ARHGEF33: variants seen among roughly 807,000 people sequenced by gnomAD.
ARHGEF33 encodes Rho guanine nucleotide exchange factor 33, also known as DH and coiled-coil domain-containing protein ENSP00000381780.
In ARHGEF33, 72 loss-of-function variants were observed where a neutral mutation model predicts 101.9. The observed-to-expected ratio is 0.71, with a 90% confidence interval of 0.58 to 0.86. The LOEUF is 0.86. Among genes scored for constraint, ARHGEF33 ranks in the 40% least tolerant of loss-of-function variants. ARHGEF33 has a pLI of 0.00. For synonymous variants in ARHGEF33, 499 were observed against 442.5 expected, an observed-to-expected ratio of 1.13 and a Z score of -1.60; for missense variants, 1,169 against 1,111.3, an observed-to-expected ratio of 1.05 and a Z score of -0.74.
chr2:38,900,471 T>A (rs999458551), intron 2 of ARHGEF33, among the ~76,000 whole-genome samples: 2 of 152,330 alleles, frequency 1.3e-5, no homozygotes, highest in Non-Finnish European at 1.5e-5. Context: ...ACTGTGATCA[T>A]CTGCACATGT....
chr2:38,970,039 G>T (rs574113228), intron 17 of ARHGEF33, among the ~76,000 whole-genome samples: 2 of 152,334 alleles, frequency 1.3e-5, no homozygotes, highest in Non-Finnish European at 2.9e-5. Flanking sequence ...TAACTTAGGA[G>T]TAGGGAATGT....
intron 17 of ARHGEF33, among the ~76,000 whole-genome samples, chr2:38,967,936 CTTTTTTT>C (rs397871559): frequency 6.2e-5 from 6 of 96,368 alleles, no homozygotes; most frequent in Non-Finnish European, 8.4e-5. Flanking sequence ...TTGAGCCTAT[CTTTTTTT>C]TTTTTTTTTT....
chr2:38,953,165 A>G lies in ARHGEF33; in HGVS notation c.1057A>G (p.Asn353Asp). The stretch of plus-strand genomic sequence containing the variant: ...CATTTTTGTGTTTGTTTTAAAGAAT[A>G]ATTTCTTGGATTATTATGTTGCCTA... The part of the protein sequence containing the change: ...LFLKLTNDEN[N>D]FLDYYVAYLR... Residue 353 changes from asparagine (N) to aspartate (D), a missense_variant, in exon 12 of 18, where the codon AAT becomes GAT. Physicochemically the swap from Asn to Asp is conservative, Grantham distance 23 (BLOSUM62 1). Transcript: ENST00000409978. 6.8e-7 allele frequency: 1 copy of G among 1,476,974 alleles called. No individual in the cohort carries two copies. The allele number at this position is 1,476,974 out of a possible 1,614,324, so 91.5% of individuals were successfully genotyped here.
In ARHGEF33 at chr2:38,974,499, A is replaced by C. The variant is rs1558449444; in HGVS notation, c.*656A>C. Reference sequence around the variant, plus strand: ...GTTCTGTGGTTATGGAAATCAGTAAAGGGAACAAGGATTTCTGTAGAAACT... The same window carrying C: ...GTTCTGTGGTTATGGAAATCAGTAACGGGAACAAGGATTTCTGTAGAAACT... On this transcript the variant is annotated 3_prime_UTR_variant, in exon 18 of 18. Coordinates refer to ENST00000409978, the MANE Select transcript of ARHGEF33 (RefSeq NM_001145451.5). 1 of 152,224 alleles carries C rather than the reference A, an allele frequency of 6.6e-6. No individual in the cohort carries two copies. Among genetic ancestry groups the C allele is most frequent in the African/African-American group, 2.4e-5 (1 of 41,454 alleles). 9.4% of individuals were successfully genotyped at this position (152,224 alleles called of 1,614,324 possible).
Position 38,943,078 on chromosome 2 carries a change from C to T in ARHGEF33, c.791-823C>T, listed in dbSNP as rs372130784. On this transcript the variant is annotated intron_variant, in intron 9 of 17. Transcript: ENST00000409978. ...GAGTAGCTGGGATTACAGGCGTGTG[C>T]CACCACATCTGGTTAATTTTTGTAT... Among the ~76,000 whole-genome samples the T allele has an allele frequency of 4.6e-5, 7 of 152,320 alleles. No homozygotes were observed. The East Asian group carries it at 9.6e-4, about 21-fold the overall frequency.
chr2:38,945,685 A>G (rs1667429113), intron 10 of ARHGEF33, among the ~76,000 whole-genome samples: 1 of 152,258 alleles, frequency 6.6e-6, no homozygotes, highest in Non-Finnish European at 1.5e-5. Flanking sequence ...GCTTCCACAT[A>G]GAAAATTCTA....
intron 4 of ARHGEF33, among the ~76,000 whole-genome samples, chr2:38,925,320 C>A (rs775703938): frequency 3.3e-5 from 5 of 152,150 alleles, no homozygotes; most frequent in Non-Finnish European, 7.3e-5. Context: ...GGGAACCAGT[C>A]CTACAGTAAT....
chr2:38,932,081 A>G (rs980135466), intron 7 of ARHGEF33, among the ~76,000 whole-genome samples: 11 of 152,198 alleles, frequency 7.2e-5, no homozygotes, highest in Non-Finnish European at 1.5e-4. Flanking sequence ...GTGGCTTTTA[A>G]CTGGCATACT....
chr2:38,926,056 A>G (rs1219273417), intron 4 of ARHGEF33, among the ~76,000 whole-genome samples: 1 of 152,192 alleles, frequency 6.6e-6, no homozygotes, highest in Non-Finnish European at 1.5e-5. Flanking sequence ...AGAGCAGGAA[A>G]TAGGAAGAAT....
intron 7 of ARHGEF33, among the ~76,000 whole-genome samples, chr2:38,932,091 T>C (rs1272712906): frequency 2.0e-5 from 3 of 152,220 alleles, no homozygotes; most frequent in African/African-American, 7.2e-5. Flanking sequence ...ACTGGCATAC[T>C]TCAAAGTACA....
chr2:38,912,672 G>C (rs1666533632), intron 2 of ARHGEF33, among the ~76,000 whole-genome samples: 1 of 152,096 alleles, frequency 6.6e-6, no homozygotes, highest in African/African-American at 2.4e-5. Context: ...GTTTTCTCAA[G>C]CAACTATTTC....
At chr2:38,957,705 C>A (rs567288375) in intron 14 of ARHGEF33, among the ~76,000 whole-genome samples, 33 of 152,172 alleles carry the variant, frequency 2.2e-4, no homozygotes, top group Non-Finnish European at 4.7e-4. Flanking sequence ...TTCATCCCAA[C>A]TCCTGTGGAG....
At chr2:38,900,684 G>A (rs185959901) in intron 2 of ARHGEF33, among the ~76,000 whole-genome samples, 57 of 152,264 alleles carry the variant, frequency 3.7e-4, no homozygotes, top group African/African-American at 1.2e-3. Flanking sequence ...CAGTCCCATA[G>A]GATATGGGGA....
intron 1 of ARHGEF33, among the ~76,000 whole-genome samples, chr2:38,891,219 C>G (rs926519001): frequency 6.6e-6 from 1 of 152,096 alleles, no homozygotes; most frequent in African/African-American, 2.4e-5. Context: ...CAGGTGTGAG[C>G]CACCATGCTC....
intron 2 of ARHGEF33, among the ~76,000 whole-genome samples, chr2:38,909,493 T>C (rs983513795): frequency 7.5e-6 from 1 of 133,212 alleles, no homozygotes; most frequent in African/African-American, 2.7e-5. Flanking sequence ...GGCTAATTTC[T>C]TTTTTTTTTT....
chr2:38,972,387 A>C (rs1668185458), intron 17 of ARHGEF33, among the ~76,000 whole-genome samples: 2 of 152,188 alleles, frequency 1.3e-5, no homozygotes, highest in African/African-American at 4.8e-5. Flanking sequence ...CATCCCACCC[A>C]GATATCTTGC....
At chr2:38,929,510 T>A (rs1189434614) in intron 5 of ARHGEF33, among the ~76,000 whole-genome samples, 199 bp from the exon 6 acceptor site, 2 of 152,180 alleles carry the variant, frequency 1.3e-5, no homozygotes, top group African/African-American at 2.4e-5. Context: ...ATAGTTATCA[T>A]GGAAAAATAT....
At position 38,960,194 on chromosome 2, in the gene ARHGEF33, A is replaced by G; in HGVS notation, c.1889A>G (p.Asp630Gly). 6.5e-7 allele frequency: 1 copy of G among 1,544,602 alleles called. No individual in the cohort carries two copies. The highest frequency in any genetic ancestry group is 8.7e-7 in the Non-Finnish European group (1 of 1,144,430). ...GEIFALPAPY[D>G]EEPFQAPALF... is the part of the protein sequence containing the mutation. ...ATCTTCGCGCTGCCCGCGCCCTACG[A>G]CGAGGAGCCGTTCCAGGCTCCGGCC... Residue 630 changes from aspartate (D) to glycine (G), a missense_variant, in exon 16 of 18, where the codon GAC becomes GGC. Physicochemically the swap from Asp to Gly is moderately conservative, Grantham distance 94. Coordinates refer to ENST00000409978, the MANE Select transcript of ARHGEF33 (RefSeq NM_001145451.5).
intron 7 of ARHGEF33, among the ~76,000 whole-genome samples, chr2:38,934,153 C>T (rs182368491): frequency 6.6e-6 from 1 of 152,140 alleles, no homozygotes; most frequent in African/African-American, 2.4e-5. Flanking sequence ...TTCATCCTTA[C>T]CACTCCTGAT....
Sources: allele counts gnomAD v4.1 joint callset (sites outside exome capture counted in the v4.1 genomes callset), GRCh38; gene constraint gnomAD v4.1.1; transcripts MANE v1.5; gene names NCBI Gene and HGNC (gene_info 2026-07-23, HGNC 2026-07-21).